Variants in GALNTL6 observed in about 807,000 individuals in gnomAD.
GALNTL6 encodes the protein polypeptide N-acetylgalactosaminyltransferase like 6.
A neutral mutation model predicts 73.7 loss-of-function variants in GALNTL6; 46 were observed. The ratio of observed to expected loss-of-function variants is 0.62; its 90% CI spans 0.49 to 0.80. The LOEUF (loss-of-function observed/expected upper bound fraction) is 0.80, where lower values mean the gene tolerates loss of function less well. Among genes scored for constraint, GALNTL6 ranks in the 30% least tolerant of loss-of-function variants. The pLI is 0.00. For missense variants in GALNTL6, 604 were observed against 755.0 expected (o/e 0.80, Z 2.34); for synonymous variants, 259 against 263.7 (o/e 0.98, Z 0.17).
At chr4:172,760,725 G>T (rs1202271573) in intron 5 of GALNTL6, among the ~76,000 whole-genome samples, 2 of 152,120 alleles carry the variant, frequency 1.3e-5, no homozygotes, top group East Asian at 3.9e-4. Flanking sequence ...ACTGGAGAGT[G>T]TGAGTTCTGT....
intron 2 of GALNTL6, among the ~76,000 whole-genome samples, chr4:172,112,677 G>T (rs911061577): frequency 1.2e-4 from 18 of 151,860 alleles, no homozygotes; most frequent in African/African-American, 4.1e-4. Context: ...TTAAATATTT[G>T]TGTTCCCCCA....
chr4:172,362,675 G>A (rs1742413198), intron 5 of GALNTL6, among the ~76,000 whole-genome samples: 1 of 152,082 alleles, frequency 6.6e-6, no homozygotes. Context: ...CTGGACATCT[G>A]GAGCTAGAAG....
At chr4:172,368,303 C>T (rs887785560) in intron 5 of GALNTL6, among the ~76,000 whole-genome samples, 7 of 152,048 alleles carry the variant, frequency 4.6e-5, no homozygotes, top group African/African-American at 1.7e-4. Context: ...ATTGCATGAA[C>T]TTGGGAGGCA....
At chr4:172,106,556 C>A (rs1255491274) in intron 2 of GALNTL6, among the ~76,000 whole-genome samples, 1 of 151,982 alleles carries the variant, frequency 6.6e-6, no homozygotes, top group East Asian at 1.9e-4. Flanking sequence ...AAATATAGAA[C>A]CCTCTTGAGA....
intron 2 of GALNTL6, among the ~76,000 whole-genome samples, chr4:172,206,814 G>GTTTTTTTTTTTTTTTT (rs796625697): frequency 1.7e-5 from 1 of 57,962 alleles, no homozygotes; most frequent in African/African-American, 5.0e-5. Context: ...TGTTTTTTTT[G>GTTTTTTTTTTTTTTTT]TTTGTTTTTT....
chr4:172,079,902 T>G (rs1008650783), intron 2 of GALNTL6, among the ~76,000 whole-genome samples: 1 of 152,114 alleles, frequency 6.6e-6, no homozygotes, highest in Non-Finnish European at 1.5e-5. Context: ...AGTTTTCTTA[T>G]GGAAACAATG....
chr4:172,621,907 G>C (rs543853997), intron 5 of GALNTL6, among the ~76,000 whole-genome samples: 2 of 151,942 alleles, frequency 1.3e-5, no homozygotes, highest in Non-Finnish European at 2.9e-5. Flanking sequence ...ATAATACCAA[G>C]GTTTGCTTGG....
chr4:172,298,162 A>G (rs1458951373), intron 3 of GALNTL6, among the ~76,000 whole-genome samples: 5 of 151,946 alleles, frequency 3.3e-5, no homozygotes, highest in Non-Finnish European at 7.4e-5. Flanking sequence ...TTTGTCTGTT[A>G]TTGGTGTATA....
intron 2 of GALNTL6, among the ~76,000 whole-genome samples, chr4:172,216,657 G>A (rs982058619): frequency 5.9e-5 from 9 of 151,770 alleles, no homozygotes; most frequent in Admixed American, 5.3e-4. Flanking sequence ...TCTCAGTTTT[G>A]GATGTTCTTT....
chr4:171,917,382 A>T (rs149055602), intron 2 of GALNTL6, among the ~76,000 whole-genome samples: 110 of 152,230 alleles, frequency 7.2e-4, no homozygotes, highest in African/African-American at 2.3e-3. Flanking sequence ...TTTCAGATAT[A>T]GCTAAGGCTC....
chr4:172,796,508 A>G (rs906873012), intron 5 of GALNTL6, among the ~76,000 whole-genome samples: 1 of 152,210 alleles, frequency 6.6e-6, no homozygotes, highest in Non-Finnish European at 1.5e-5. Context: ...TTATGTCCAT[A>G]TATTACTTTG....
chr4:172,229,718 G>A lies in GALNTL6; in HGVS notation c.201G>A (p.Lys67=). The change falls in exon 3 of 13, where the codon AAG becomes AAA. Residue 67 remains lysine (K), a synonymous_variant. Coordinates refer to ENST00000506823, the MANE Select transcript of GALNTL6 (RefSeq NM_001034845.3). ...FYSWTDGLRR[K]DWHDYESIQK... ...CATGGACAGATGGTTTGAGAAGAAA[G>A]GACTGGCATGACTATGAAAGCATTC... is the stretch of plus-strand genomic sequence containing the variant. 1 of 1,613,930 alleles carries A rather than the reference G, an allele frequency of 6.2e-7. No homozygotes were observed. The highest frequency in any genetic ancestry group is 8.5e-7 in the Non-Finnish European group (1 of 1,179,848).
intron 7 of GALNTL6, among the ~76,000 whole-genome samples, chr4:172,814,684 A>C (rs1741502304): frequency 6.6e-6 from 1 of 152,172 alleles, no homozygotes; most frequent in Admixed American, 6.5e-5. Context: ...GCAGTAAAGA[A>C]GCTACTGAGT....
At chr4:172,476,313 C>CT (rs1561100866) in intron 5 of GALNTL6, among the ~76,000 whole-genome samples, 1 of 152,208 alleles carries the variant, frequency 6.6e-6, no homozygotes, top group African/African-American at 2.4e-5. Context: ...TGCAAAGGCA[C>CT]TAATTGCATT....
chr4:172,962,239 G>T (rs925320157), intron 10 of GALNTL6, among the ~76,000 whole-genome samples: 7 of 152,170 alleles, frequency 4.6e-5, no homozygotes, highest in African/African-American at 1.7e-4. Context: ...GTTAAGGCAG[G>T]AACTGGCCAT....
chr4:172,069,461 C>T (rs1731448110), intron 2 of GALNTL6, among the ~76,000 whole-genome samples: 1 of 52,074 alleles, frequency 1.9e-5, no homozygotes. Context: ...ATATAACACA[C>T]ATATAACATA....
At chr4:172,788,182 C>CA (rs936176347) in intron 5 of GALNTL6, among the ~76,000 whole-genome samples, 2 of 108,694 alleles carry the variant, frequency 1.8e-5, no homozygotes, top group Admixed American at 9.0e-5. Context: ...CCTGTCTCTA[C>CA]AAAAAAACAA....
At chr4:172,116,609 C>T (rs753925172) in intron 2 of GALNTL6, among the ~76,000 whole-genome samples, 69 of 152,114 alleles carry the variant, frequency 4.5e-4, no homozygotes, top group Non-Finnish European at 8.2e-4. Context: ...TATTATTCCT[C>T]TGAGAGCTTG....
intron 2 of GALNTL6, among the ~76,000 whole-genome samples, chr4:172,078,641 A>C (rs1352540481): frequency 6.6e-6 from 1 of 152,222 alleles, no homozygotes; most frequent in African/African-American, 2.4e-5. Flanking sequence ...TGATTAGAGT[A>C]AACTTGAAAA....
Sources: gnomAD v4.1 joint callset for allele counts (sites outside exome capture counted in the v4.1 genomes callset) on GRCh38, gnomAD v4.1.1 for gene constraint, MANE v1.5 for transcripts, NCBI Gene and HGNC (gene_info 2026-07-23, HGNC 2026-07-21) for gene names.